Variants in TULP4 observed in about 807,000 individuals in gnomAD.
The protein encoded by TULP4 is TUB like protein 4, also known as tubby-related protein 4.
In TULP4, 16 loss-of-function variants were observed where a neutral mutation model predicts 129.0. The ratio of observed to expected loss-of-function variants is 0.12; its 90% confidence interval spans 0.08 to 0.19. The LOEUF (loss-of-function observed/expected upper bound fraction) is 0.19. TULP4 is among the 10% of genes least tolerant of loss of function. The pLI is 1.00. For synonymous variants in TULP4, 998 were observed against 854.0 expected, an observed-to-expected ratio of 1.17 and a Z score of -2.94; for missense variants, 1,842 against 2,059.1, an observed-to-expected ratio of 0.89 and a Z score of 2.04.
intron 1 of TULP4, among the ~76,000 whole-genome samples, chr6:158,378,753 G>T (rs1179908729): frequency 6.6e-6 from 1 of 152,030 alleles, no homozygotes; most frequent in African/African-American, 2.4e-5. Flanking sequence ...CCAAAGTGCT[G>T]GGATTACAGG....
intron 3 of TULP4, among the ~76,000 whole-genome samples, chr6:158,439,568 C>T (rs560375717): frequency 2.0e-5 from 3 of 152,144 alleles, no homozygotes; most frequent in East Asian, 1.9e-4. Context: ...CCTGATGCAC[C>T]TGGTCTTTTA....
At position 158,348,173 on chromosome 6, in the gene TULP4, G is replaced by GTTTTTTTTTTTTTTTTTTTTTTTT. The variant is rs34217788; in HGVS notation, c.252+33920_252+33921insTTTTTTTTTTTTTTTTTTTTTTTT. Among the ~76,000 whole-genome samples the GTTTTTTTTTTTTTTTTTTTTTTTT allele has an allele frequency of 8.9e-5, 10 of 112,170 alleles. 1 individual carries two copies. The highest frequency in any genetic ancestry group is 3.8e-4 in the African/African-American group (10 of 26,338). 73.6% of individuals were successfully genotyped at this position (112,170 alleles called of 152,430 possible). On this transcript the variant is annotated intron_variant, in intron 1 of 13. Transcript: ENST00000367097. ...TTTTGGTCTTTTTTTTTTTTTTAAG[G>GTTTTTTTTTTTTTTTTTTTTTTTT]TTTTTTTTTTTTTTTAGTATTTATT...
intron 1 of TULP4, among the ~76,000 whole-genome samples, chr6:158,325,297 CCTAA>C (rs1779720899): frequency 6.6e-6 from 1 of 151,734 alleles, no homozygotes; most frequent in African/African-American, 2.4e-5. Flanking sequence ...TACACATGAG[CCTAA>C]CTCTTAATTG....
chr6:158,335,564 C>T (rs1283715718), intron 1 of TULP4, among the ~76,000 whole-genome samples: 3 of 152,206 alleles, frequency 2.0e-5, no homozygotes, highest in African/African-American at 7.2e-5. Context: ...CCTCCCACTT[C>T]ATCCACCCAT....
At chr6:158,411,879 AT>A (rs1778108049) in intron 1 of TULP4, among the ~76,000 whole-genome samples, 1 of 152,200 alleles carries the variant, frequency 6.6e-6, no homozygotes, top group African/African-American at 2.4e-5. Flanking sequence ...GTCTTTAACT[AT>A]CAGTCCTTTT....
At chr6:158,237,687 T>C in intron 1 of TULP4, 1 of 1,088,442 alleles carries the variant, frequency 9.2e-7, no homozygotes, top group Non-Finnish European at 1.4e-6. Context: ...TCTTTTTCTT[T>C]TTCAAATCTC....
intron 1 of TULP4, among the ~76,000 whole-genome samples, chr6:158,250,571 G>T (rs1054453839): frequency 6.6e-6 from 1 of 152,184 alleles, no homozygotes; most frequent in African/African-American, 2.4e-5. Flanking sequence ...TGACCATATG[G>T]TTCAGAAATG....
chr6:158,493,044 C>T lies in TULP4; in HGVS notation c.1632-529C>T, dbSNP rs1289619793. On this transcript the variant is annotated intron_variant, in intron 9 of 13. Coordinates refer to ENST00000367097, the MANE Select transcript of TULP4 (RefSeq NM_020245.5). This position sits in a 1 kb window ranked among gnomAD's most constrained non-coding sequence, Gnocchi z 4.4. The stretch of plus-strand genomic sequence containing the variant: ...TTAGGGTAAGAAATGACTTGTTCCA[C>T]CTGCCATTTTCCCAGGACTGATTGT... 6.6e-6 allele frequency among the ~76,000 whole-genome samples: 1 copy of T among 152,244 alleles called. No individual in the cohort carries two copies. The highest frequency in any genetic ancestry group is 1.5e-5 in the Non-Finnish European group (1 of 68,040).
In TULP4 at chr6:158,510,545, G is replaced by A. The variant is rs1356681078; in HGVS notation, c.*3851G>A. Reference sequence around the variant, plus strand: ...CATGGGAAATATATTTCACACCATTGCCTTTGTGTAGAGAAATATTTCTTT... The same window carrying A: ...CATGGGAAATATATTTCACACCATTACCTTTGTGTAGAGAAATATTTCTTT... On this transcript the variant is annotated 3_prime_UTR_variant, in exon 14 of 14. Coordinates refer to ENST00000367097, the MANE Select transcript of TULP4 (RefSeq NM_020245.5). 3.3e-5 allele frequency: 5 copies of A among 152,188 alleles called. No individual in the cohort carries two copies. Among genetic ancestry groups the A allele is most frequent in the Non-Finnish European group, 7.3e-5 (5 of 68,042 alleles). 9.4% of individuals were successfully genotyped at this position (152,188 alleles called of 1,614,324 possible). A position where few individuals can be genotyped will look rare whatever the true frequency, so the allele number is the denominator to read the frequency against.
chr6:158,320,552 C>T (rs542045346), intron 1 of TULP4, among the ~76,000 whole-genome samples: 3 of 151,998 alleles, frequency 2.0e-5, no homozygotes, highest in South Asian at 4.2e-4. Context: ...CTGCCTCAGC[C>T]TCCTGAGTAG....
intron 1 of TULP4, 144 bp from the exon 2 acceptor site, chr6:158,412,921 C>A (rs186526697): frequency 4.2e-6 from 5 of 1,181,680 alleles, no homozygotes; most frequent in Non-Finnish European, 5.7e-6. Context: ...TCTGTCTGTT[C>A]CCTGCCCTGA....
chr6:158,243,605 C>T (rs1047217054), intron 1 of TULP4, among the ~76,000 whole-genome samples: 5 of 151,620 alleles, frequency 3.3e-5, no homozygotes, highest in African/African-American at 9.7e-5. Flanking sequence ...TCTTTGCATC[C>T]TTGTAATGTA....
intron 1 of TULP4, among the ~76,000 whole-genome samples, chr6:158,351,393 G>A (rs768257311): frequency 6.6e-6 from 1 of 152,210 alleles, no homozygotes; most frequent in African/African-American, 2.4e-5. Context: ...CTTGGTGAGA[G>A]TGTTAGCTTC....
chr6:158,429,222 T>G (rs1778573963), intron 2 of TULP4, among the ~76,000 whole-genome samples: 1 of 152,208 alleles, frequency 6.6e-6, no homozygotes, highest in Non-Finnish European at 1.5e-5. Context: ...CACTGCAACC[T>G]CTTCTTCCCA....
intron 8 of TULP4, among the ~76,000 whole-genome samples, chr6:158,487,668 G>A (rs766668168): frequency 6.6e-6 from 1 of 152,252 alleles, no homozygotes; most frequent in Admixed American, 6.5e-5. Context: ...CACCACCTCA[G>A]CCTCTGCAAA....
intron 1 of TULP4, among the ~76,000 whole-genome samples, chr6:158,347,952 A>T (rs1780350686): frequency 6.6e-6 from 1 of 151,942 alleles, no homozygotes; most frequent in African/African-American, 2.4e-5. Context: ...TGCATATTTC[A>T]TCAAATGAAA....
chr6:158,257,958 C>T (rs1583682018), intron 1 of TULP4, among the ~76,000 whole-genome samples: 1 of 152,190 alleles, frequency 6.6e-6, no homozygotes, highest in Non-Finnish European at 1.5e-5. Flanking sequence ...GTTCTGTGGT[C>T]TAAGCCCTGC....
At chr6:158,294,497 A>G (rs1778996378) in intron 1 of TULP4, among the ~76,000 whole-genome samples, 2 of 152,096 alleles carry the variant, frequency 1.3e-5, no homozygotes, top group South Asian at 2.1e-4. Context: ...TGTGGAGAGG[A>G]GGAAAAGGGA....
Position 158,376,239 on chromosome 6 carries a change from C to T in TULP4, c.253-36826C>T, listed in dbSNP as rs117591671. On this transcript the variant is annotated intron_variant, in intron 1 of 13. Coordinates refer to ENST00000367097, the MANE Select transcript of TULP4 (RefSeq NM_020245.5). ...TCTCTCATGGGTTCTGGATCAGGAA[C>T]TTGGGAGCATCCTACTGGGCACTTC... Among the ~76,000 whole-genome samples the T allele has an allele frequency of 1.9e-3, 286 of 152,312 alleles. 1 individual carries two copies. Among genetic ancestry groups the T allele is most frequent in the Admixed American group, 3.4e-3 (52 of 15,304 alleles).
Sources: gnomAD v4.1 joint callset for allele counts (sites outside exome capture counted in the v4.1 genomes callset) on GRCh38, gnomAD v4.1.1 for gene constraint, Gnocchi (gnomAD v3.1) non-coding constraint, MANE v1.5 for transcripts, NCBI Gene and HGNC (gene_info 2026-07-23, HGNC 2026-07-21) for gene names.